The following IGSF21 variants were observed in gnomAD, a reference collection of about 807,000 sequenced individuals.
IGSF21 encodes the protein immunoglobin superfamily member 21, also known as immunoglobulin superfamily member 21.
IGSF21 carries 28 observed loss-of-function variants against 46.8 expected under a neutral mutation model. The observed-to-expected ratio is 0.60, with a 90% CI of 0.44 to 0.82. The LOEUF is 0.82. Ranked by LOEUF, IGSF21 falls within the 40% of genes least tolerant of loss-of-function variation. The pLI, the probability that IGSF21 is intolerant of heterozygous loss-of-function variation, is 0.00. For missense variants in IGSF21, 624 were observed against 665.5 expected, an observed-to-expected ratio of 0.94 and a Z score of 0.69; for synonymous variants, 284 against 273.6, an observed-to-expected ratio of 1.04 and a Z score of -0.38.
intron 2 of IGSF21, among the ~76,000 whole-genome samples, chr1:18,267,118 G>C (rs2084997059): frequency 6.6e-6 from 1 of 152,198 alleles, no homozygotes; most frequent in Non-Finnish European, 1.5e-5. Context: ...CTCCCAGTAG[G>C]ACAGGGTAAG....
chr1:18,358,261 A>G (rs2086046232), intron 4 of IGSF21, among the ~76,000 whole-genome samples: 1 of 152,140 alleles, frequency 6.6e-6, no homozygotes, highest in Non-Finnish European at 1.5e-5. Flanking sequence ...AGAGAAATAT[A>G]ATGTAAAGTA....
At chr1:18,265,169 A>G (rs1294616335) in intron 2 of IGSF21, among the ~76,000 whole-genome samples, 1 of 152,208 alleles carries the variant, frequency 6.6e-6, no homozygotes, top group Non-Finnish European at 1.5e-5. Context: ...GCCTGGGTCG[A>G]TGGGAGGATA....
chr1:18,362,782 A>T (rs2086115834), intron 5 of IGSF21, among the ~76,000 whole-genome samples: 10 of 152,028 alleles, frequency 6.6e-5, no homozygotes, highest in Admixed American at 6.5e-4. Context: ...AACTTATTAG[A>T]CCCAACATAG....
At chr1:18,110,890 G>C (rs1421867010) in intron 1 of IGSF21, 3 of 152,526 alleles carry the variant, frequency 2.0e-5, no homozygotes, top group African/African-American at 7.2e-5. Flanking sequence ...GTTCCGCTGA[G>C]AGCAGGGTGG....
rs116614399 is a variant in IGSF21 at position 18,143,484 on chromosome 1, C to T, written c.70+35286C>T. On this transcript the variant is annotated intron_variant, in intron 1 of 9. Coordinates refer to ENST00000251296, the MANE Select transcript of IGSF21 (RefSeq NM_032880.5). ...TGCCCAGTCATAAAGTGCAAACTCC[C>T]GTCCCAGCCCATGCCCATGGCATGG... Among the ~76,000 whole-genome samples the T allele has an allele frequency of 5.8e-3, 877 of 152,256 alleles. 14 individuals are homozygous for T. Among genetic ancestry groups the T allele is most frequent in the African/African-American group, 0.02 (830 of 41,554 alleles).
chr1:18,175,315 A>T (rs1294692154), intron 1 of IGSF21, among the ~76,000 whole-genome samples: 1 of 152,148 alleles, frequency 6.6e-6, no homozygotes, highest in African/African-American at 2.4e-5. Flanking sequence ...TCTAGCTCTG[A>T]CATTTGGTAG....
intron 3 of IGSF21, among the ~76,000 whole-genome samples, chr1:18,321,861 T>C (rs1013116159): frequency 1.3e-5 from 2 of 152,200 alleles, no homozygotes; most frequent in Non-Finnish European, 2.9e-5. Flanking sequence ...CACTCTCTGG[T>C]TGAGTAACTT....
intron 2 of IGSF21, among the ~76,000 whole-genome samples, chr1:18,267,887 G>A (rs1464409587): frequency 6.6e-6 from 1 of 152,232 alleles, no homozygotes; most frequent in Non-Finnish European, 1.5e-5. Context: ...TGTATTGTCT[G>A]CAATAACAGA....
intron 1 of IGSF21, among the ~76,000 whole-genome samples, chr1:18,141,803 T>A (rs1318080490): frequency 4.6e-5 from 7 of 152,136 alleles, no homozygotes; most frequent in Admixed American, 2.6e-4. Context: ...GCACAGTGGC[T>A]CATACCTGTA....
chr1:18,217,526 G>A (rs1310313937), intron 1 of IGSF21, among the ~76,000 whole-genome samples: 1 of 152,192 alleles, frequency 6.6e-6, no homozygotes, highest in African/African-American at 2.4e-5. Flanking sequence ...CAACTTCCTG[G>A]CCCTCCTTGC....
At chr1:18,259,926 C>A (rs371505) in intron 2 of IGSF21, among the ~76,000 whole-genome samples, 21,195 of 152,164 alleles carry the variant, frequency 0.14, 1,564 homozygotes, top group Middle Eastern at 0.22. Context: ...TGGTGACAGA[C>A]AAACCTGGGT....
intron 1 of IGSF21, among the ~76,000 whole-genome samples, chr1:18,191,814 A>G (rs1358314090): frequency 6.6e-6 from 1 of 152,046 alleles, no homozygotes; most frequent in East Asian, 1.9e-4. Context: ...TCTGTTTGCA[A>G]CCTGGGCATC....
intron 1 of IGSF21, among the ~76,000 whole-genome samples, chr1:18,164,981 G>T (rs1360363780): frequency 6.8e-6 from 1 of 147,278 alleles, no homozygotes; most frequent in South Asian, 2.1e-4. Flanking sequence ...GAGAACATGC[G>T]GTGTTTGGTT....
chr1:18,295,524 C>T lies in IGSF21; in HGVS notation c.305+3537C>T, dbSNP rs951904627. Among the ~76,000 whole-genome samples, 7 of 152,122 alleles carry T rather than the reference C, an allele frequency of 4.6e-5. No individual in the cohort carries two copies. The South Asian group carries it at 8.3e-4, about 18-fold the overall frequency. On this transcript the variant is annotated intron_variant, in intron 3 of 9. Transcript: ENST00000251296. ...TGAAGGGGCAAGTGGGGTGCAGTAC[C>T]GGGAAGGAATGAGATGCTGGGTGCC...
intron 3 of IGSF21, among the ~76,000 whole-genome samples, chr1:18,313,252 G>A (rs1407014957): frequency 1.3e-5 from 2 of 152,166 alleles, no homozygotes; most frequent in South Asian, 2.1e-4. Context: ...CCCACCTCAG[G>A]TGGATCCCTT....
At chr1:18,217,158 G>A (rs1175710183) in intron 1 of IGSF21, among the ~76,000 whole-genome samples, 1 of 152,140 alleles carries the variant, frequency 6.6e-6, no homozygotes, top group Admixed American at 6.6e-5. Flanking sequence ...AAGTTGTGGT[G>A]TGATCCACAA....
chr1:18,178,961 T>C (rs1211274105), intron 1 of IGSF21: 3 of 152,158 alleles, frequency 2.0e-5, no homozygotes, highest in Non-Finnish European at 4.4e-5. Flanking sequence ...AGCTGAGAAA[T>C]TATTTAACAG....
At chr1:18,332,654 C>T (rs953775146) in intron 3 of IGSF21, among the ~76,000 whole-genome samples, 16 of 152,182 alleles carry the variant, frequency 1.1e-4, no homozygotes, top group African/African-American at 1.2e-4. Flanking sequence ...CATGTCACTG[C>T]GCTCTTTATT....
chr1:18,251,376 G>A (rs1409101982), intron 2 of IGSF21, among the ~76,000 whole-genome samples: 1 of 152,192 alleles, frequency 6.6e-6, no homozygotes, highest in Non-Finnish European at 1.5e-5. Context: ...TCAATGGTTT[G>A]TTACAACAAA....
Sources: gnomAD v4.1 joint callset for allele counts (sites outside exome capture counted in the v4.1 genomes callset) on GRCh38, gnomAD v4.1.1 for gene constraint, MANE v1.5 for transcripts, NCBI Gene and HGNC (gene_info 2026-07-23, HGNC 2026-07-21) for gene names.